ITCH: variants seen among roughly 807,000 people sequenced by gnomAD.
ITCH encodes the protein E3 ubiquitin-protein ligase Itchy homolog.
A neutral mutation model predicts 126.8 loss-of-function variants in ITCH; 28 were observed. The observed-to-expected ratio is 0.22, with a 90% CI of 0.16 to 0.30. ITCH has a LOEUF of 0.30. ITCH is among the 10% of genes least tolerant of loss of function. The probability of loss-of-function intolerance (pLI) is 1.00; values close to 1 mark genes in which losing one functional copy is unlikely to be tolerated. For missense variants in ITCH, 631 were observed against 1,032.4 expected (o/e 0.61, Z 5.33); for synonymous variants, 342 against 340.0 (o/e 1.01, Z -0.06).
intron 2 of ITCH, among the ~76,000 whole-genome samples, chr20:34,390,655 G>A (rs2038455871): frequency 6.6e-6 from 1 of 151,908 alleles, no homozygotes; most frequent in Non-Finnish European, 1.5e-5. Flanking sequence ...TCACTATGTT[G>A]GCCAGGCTGG....
intron 5 of ITCH, among the ~76,000 whole-genome samples, chr20:34,412,964 A>G (rs2146170179): frequency 6.6e-6 from 1 of 152,270 alleles, no homozygotes. Context: ...TTCAGAGACA[A>G]ATCAAATGAA....
intron 7 of ITCH, among the ~76,000 whole-genome samples, chr20:34,435,934 G>A (rs1982949556): frequency 6.6e-6 from 1 of 152,290 alleles, no homozygotes; most frequent in East Asian, 1.9e-4. Flanking sequence ...GTTGTAGTTA[G>A]AGGGATTTTA....
At chr20:34,415,601 T>A in intron 6 of ITCH, among the ~76,000 whole-genome samples, 1 of 152,028 alleles carries the variant, frequency 6.6e-6, no homozygotes, top group Non-Finnish European at 1.5e-5. Context: ...TCCAGATTAG[T>A]TCTCTGGGGC....
chr20:34,399,056 T>C (rs1356782571), intron 3 of ITCH, among the ~76,000 whole-genome samples: 2 of 152,186 alleles, frequency 1.3e-5, no homozygotes, highest in Non-Finnish European at 2.9e-5. Flanking sequence ...GCTGCCTCAA[T>C]GCCTTTCTAG....
chr20:34,368,811 C>T lies in ITCH; in HGVS notation c.-98-583C>T, dbSNP rs529379136. Among the ~76,000 whole-genome samples the T allele has an allele frequency of 4.6e-5, 7 of 152,260 alleles. No homozygotes were observed. The South Asian group carries it at 1.2e-3, about 27-fold the overall frequency. On this transcript the variant is annotated intron_variant, in intron 1 of 24. Coordinates refer to ENST00000374864, the MANE Select transcript of ITCH (RefSeq NM_031483.7). ...GGAGTCTCCAAGTTGCAGGGACTAT[C>T]ATTATGGTGACCCTTATAGGCTGGT...
At chr20:34,502,574 G>A (rs1425279617) in intron 23 of ITCH, among the ~76,000 whole-genome samples, 1 of 151,128 alleles carries the variant, frequency 6.6e-6, no homozygotes, top group Non-Finnish European at 1.5e-5. Context: ...GCCGGGTGTG[G>A]TAGTGGGCAC....
chr20:34,475,410 CG>C, intron 16 of ITCH, among the ~76,000 whole-genome samples: 1 of 152,236 alleles, frequency 6.6e-6, no homozygotes, highest in South Asian at 2.1e-4. Flanking sequence ...CCCGGCACCT[CG>C]GGAGGCCAAG....
At chr20:34,414,113 G>A (rs1406757412) in intron 6 of ITCH, among the ~76,000 whole-genome samples, 2 of 148,726 alleles carry the variant, frequency 1.3e-5, no homozygotes, top group Non-Finnish European at 3.0e-5. Context: ...CTGCGGTCCA[G>A]CCTAGGTGAC....
intron 2 of ITCH, chr20:34,384,057 T>C (rs1380143737): frequency 6.6e-6 from 1 of 152,308 alleles, no homozygotes; most frequent in Non-Finnish European, 1.5e-5. Flanking sequence ...TTGGTCAGGC[T>C]GCTCTTGAAC....
At chr20:34,474,173 T>C (rs1568981369) in intron 16 of ITCH, among the ~76,000 whole-genome samples, 2 of 152,234 alleles carry the variant, frequency 1.3e-5, no homozygotes, top group Non-Finnish European at 2.9e-5. Flanking sequence ...CTTTCTTTTT[T>C]TTTTCTTTTA....
At chr20:34,389,674 G>C (rs769874844) in intron 2 of ITCH, among the ~76,000 whole-genome samples, 9 of 152,180 alleles carry the variant, frequency 5.9e-5, no homozygotes, top group Non-Finnish European at 1.2e-4. Context: ...ACAACCACTA[G>C]AAAGTGTCCA....
rs551214256 is a variant in ITCH, at chr20:34,504,015, G to A, written c.2417-316G>A. ...CCTGCCTCAGTCTCCTGAGTAGCTG[G>A]GATTACAGGCATACGCCACCACACT... On this transcript the variant is annotated intron_variant, in intron 23 of 24. Transcript: ENST00000374864. Among the ~76,000 whole-genome samples, 146 of 151,696 alleles carry A rather than the reference G, an allele frequency of 9.6e-4. 4 individuals are homozygous for A. In the South Asian group the frequency reaches 0.022, roughly 23 times the overall value.
At chr20:34,430,601 T>TAGCTGGGATTACATGC (rs1174446872) in intron 7 of ITCH, among the ~76,000 whole-genome samples, 1 of 152,134 alleles carries the variant, frequency 6.6e-6, no homozygotes. Flanking sequence ...AGCCTCCGAG[T>TAGCTGGGATTACATGC]AGCTGGGATT....
rs1978652735 is a variant in ITCH at position 34,510,437 on chromosome 20, C to T, written c.*2643C>T. On this transcript the variant is annotated 3_prime_UTR_variant, in exon 25 of 25. Transcript: ENST00000374864. ...TAAGCATTGTAAATGCTAATAAATC[C>T]TGTTAATTTTTTTTTTTTTTTTTTT... 8.1e-6 allele frequency: 1 copy of T among 123,640 alleles called. No individual in the cohort carries two copies. The highest frequency in any genetic ancestry group is 3.1e-5 in the African/African-American group (1 of 32,192). The allele number at this position is 123,640 out of a possible 1,614,324, so 7.7% of individuals were successfully genotyped here. A position where few individuals can be genotyped will look rare whatever the true frequency, so the allele number is the denominator to read the frequency against.
At chr20:34,477,908 T>C in intron 17 of ITCH, 48 bp downstream of exon 17, 1 of 1,610,002 alleles carries the variant, frequency 6.2e-7, no homozygotes, top group South Asian at 1.1e-5. Flanking sequence ...CCTCCAAAGG[T>C]ACCATTGCAC....
At chr20:34,428,934 T>C (rs1311243445) in intron 7 of ITCH, among the ~76,000 whole-genome samples, 2 of 152,172 alleles carry the variant, frequency 1.3e-5, no homozygotes, top group African/African-American at 4.8e-5. Context: ...CTAATTGCTT[T>C]TCTTTTTTTA....
At chr20:34,477,914 T>C (rs564905261) in intron 17 of ITCH, 54 bp downstream of exon 17, 1 of 1,604,974 alleles carries the variant, frequency 6.2e-7, no homozygotes, top group South Asian at 1.1e-5. Context: ...AAGGTACCAT[T>C]GCACTTCGCT....
chr20:34,405,189 T>C (rs1460951544), intron 3 of ITCH, among the ~76,000 whole-genome samples: 1 of 149,954 alleles, frequency 6.7e-6, no homozygotes, highest in African/African-American at 2.5e-5. Flanking sequence ...TTGGTAGGAT[T>C]ATGTAGCAAA....
chr20:34,456,821 A>C (rs1007965105), intron 12 of ITCH, among the ~76,000 whole-genome samples: 1 of 151,566 alleles, frequency 6.6e-6, no homozygotes, highest in African/African-American at 2.4e-5. Context: ...AGCTCAAGCA[A>C]TCTACTTGCC....
Sources: allele counts gnomAD v4.1 joint callset (sites outside exome capture counted in the v4.1 genomes callset), GRCh38; gene constraint gnomAD v4.1.1; transcripts MANE v1.5; gene names NCBI Gene and HGNC (gene_info 2026-07-23, HGNC 2026-07-21).